The following MALT1 variants were observed in gnomAD, a reference collection of about 807,000 sequenced individuals.
MALT1 encodes the protein mucosa-associated lymphoid tissue lymphoma translocation protein 1.
MALT1 carries 36 observed loss-of-function variants against 85.5 expected under a neutral mutation model. That is an observed-to-expected ratio of 0.42 (90% CI 0.32 to 0.56). The LOEUF (loss-of-function observed/expected upper bound fraction) is 0.56. MALT1 is among the 20% of genes least tolerant of loss of function. The pLI, the probability that MALT1 is intolerant of heterozygous loss-of-function variation, is 0.10. For synonymous variants in MALT1, 359 were observed against 361.3 expected, an observed-to-expected ratio of 0.99 and a Z score of 0.07; for missense variants, 716 against 981.6, an observed-to-expected ratio of 0.73 and a Z score of 3.62.
Position 58,681,235 on chromosome 18 carries a change from T to A in MALT1, c.275T>A (p.Leu92Gln). 1 of 1,614,222 alleles carries A rather than the reference T, an allele frequency of 6.2e-7. No individual in the cohort carries two copies. The highest frequency in any genetic ancestry group is 8.5e-7 in the Non-Finnish European group (1 of 1,180,026). Residue 92 changes from leucine (L) to glutamine (Q), a missense_variant, in exon 2 of 17, where the codon CTG becomes CAG. Physicochemically the swap from Leu to Gln is moderately radical, Grantham distance 113. Transcript: ENST00000649217. ...LEPEGSPSLCLLKLMGEKGCT... is the reference protein window; with the variant it reads ...LEPEGSPSLCQLKLMGEKGCT... ...CCTGAAGGAAGCCCCAGCCTGTGTCTGCTGAAGTTAATGGGTGAAAAAGGT... is the reference window on the plus strand; with the variant it reads ...CCTGAAGGAAGCCCCAGCCTGTGTCAGCTGAAGTTAATGGGTGAAAAAGGT...
rs149005568 is a variant in MALT1, at chr18:58,750,964, T to G, written c.*3122T>G. The stretch of plus-strand genomic sequence containing the variant: ...GAATGGGAGAAAAATTTTTGAAAAA[T>G]CATGTATCTGATAAAAAAACAAACA... On this transcript the variant is annotated 3_prime_UTR_variant, in exon 17 of 17. Coordinates refer to ENST00000649217, the MANE Select transcript of MALT1 (RefSeq NM_006785.4). 2 of 152,122 alleles carry G rather than the reference T, an allele frequency of 1.3e-5. No individual in the cohort carries two copies. Among genetic ancestry groups the G allele is most frequent in the East Asian group, 1.9e-4 (1 of 5,180 alleles). 9.4% of individuals were successfully genotyped at this position (152,122 alleles called of 1,614,324 possible).
intron 16 of MALT1, among the ~76,000 whole-genome samples, chr18:58,746,846 G>A (rs1376635832): frequency 6.6e-6 from 1 of 151,886 alleles, no homozygotes; most frequent in Non-Finnish European, 1.5e-5. Flanking sequence ...TTGTGCCTCA[G>A]CCTCCCGAGT....
intron 15 of MALT1, 89 bp downstream of exon 15, chr18:58,744,584 T>C (rs989198674): frequency 1.7e-6 from 1 of 592,830 alleles, no homozygotes; most frequent in African/African-American, 2.0e-5. Flanking sequence ...ATGGTAAATA[T>C]AAAGGAAATA....
intron 2 of MALT1, chr18:58,691,362 C>A: frequency 1.2e-6 from 1 of 835,788 alleles, no homozygotes; most frequent in Non-Finnish European, 1.8e-6. Flanking sequence ...TGGCATTGCC[C>A]TGGCTCAGGC....
At chr18:58,691,328 G>T in intron 2 of MALT1, 1 of 849,200 alleles carries the variant, frequency 1.2e-6, no homozygotes. Context: ...ATCAGCTGTG[G>T]GCCAAGATGA....
chr18:58,747,390 T>G lies in MALT1; in HGVS notation c.2038-15T>G, dbSNP rs780452921. 13 of 1,566,916 alleles carry G rather than the reference T, an allele frequency of 8.3e-6. No individual in the cohort carries two copies. The highest frequency in any genetic ancestry group is 1.1e-5 in the Non-Finnish European group (13 of 1,145,396). On this transcript the variant is annotated splice_polypyrimidine_tract_variant and intron_variant, in intron 16 of 16. Coordinates refer to ENST00000649217, the MANE Select transcript of MALT1 (RefSeq NM_006785.4). ...TGTTGATGCCAATAATAAACCAGAT[T>G]TTTTTCCTTTTCAGGAACATCTAGT...
At chr18:58,677,846 G>T (rs138359883) in intron 1 of MALT1, among the ~76,000 whole-genome samples, 8 of 152,220 alleles carry the variant, frequency 5.3e-5, no homozygotes, top group African/African-American at 1.7e-4. Flanking sequence ...GCTTAGAAAA[G>T]AATACCTAGT....
intron 2 of MALT1, among the ~76,000 whole-genome samples, chr18:58,685,666 G>C (rs556683755): frequency 3.9e-4 from 59 of 152,302 alleles, no homozygotes; most frequent in Middle Eastern, 3.4e-3. Flanking sequence ...TTTACTCTCT[G>C]TTGCTTTCTT....
chr18:58,686,542 C>T (rs1362590050), intron 2 of MALT1, among the ~76,000 whole-genome samples: 1 of 152,130 alleles, frequency 6.6e-6, no homozygotes, highest in Non-Finnish European at 1.5e-5. Context: ...CTTTTCAGCT[C>T]CAGTGCTGCA....
At chr18:58,716,085 G>A in intron 9 of MALT1, 118 bp downstream of exon 9, 1 of 725,640 alleles carries the variant, frequency 1.4e-6, no homozygotes. Context: ...GGGACCAAAT[G>A]TTTTATTTTT....
intron 1 of MALT1, among the ~76,000 whole-genome samples, chr18:58,674,597 G>C (rs923983209): frequency 5.3e-5 from 8 of 152,172 alleles, no homozygotes; most frequent in African/African-American, 1.9e-4. Flanking sequence ...TTGGGGGCTG[G>C]ACAGTGAAGC....
intron 4 of MALT1, among the ~76,000 whole-genome samples, chr18:58,703,664 G>A (rs1044378777): frequency 2.6e-5 from 4 of 152,082 alleles, no homozygotes; most frequent in African/African-American, 4.8e-5. Flanking sequence ...GAACAGCATG[G>A]GGGAAACTGC....
intron 9 of MALT1, among the ~76,000 whole-genome samples, chr18:58,717,188 C>T (rs9949005): frequency 0.13 from 20,047 of 151,908 alleles, 2,400 homozygotes; most frequent in African/African-American, 0.32. Flanking sequence ...CATGGAGAAA[C>T]CCCGTCTCTA....
At chr18:58,697,095 T>G (rs978938867) in intron 3 of MALT1, 4 of 152,268 alleles carry the variant, frequency 2.6e-5, no homozygotes, top group African/African-American at 9.6e-5. Flanking sequence ...GTGGGCTGGC[T>G]GCCTGCATTG....
intron 2 of MALT1, among the ~76,000 whole-genome samples, chr18:58,689,154 A>G (rs541421920): frequency 3.7e-4 from 55 of 147,846 alleles, no homozygotes; most frequent in East Asian, 1.8e-3. Context: ...CCTGTCTCAA[A>G]AAAACAAAAA....
intron 2 of MALT1, among the ~76,000 whole-genome samples, chr18:58,692,439 T>A (rs1352062049): frequency 8.0e-4 from 62 of 77,600 alleles, no homozygotes; most frequent in African/African-American, 2.3e-3. Context: ...TCTCTCTCAC[T>A]CTCTCCCTCC....
At chr18:58,734,530 C>A in intron 12 of MALT1, 149 bp downstream of exon 12, 1 of 624,540 alleles carries the variant, frequency 1.6e-6, no homozygotes, top group Non-Finnish European at 2.9e-6. Context: ...CTCAAGCGAT[C>A]CTCCTGCCTC....
At chr18:58,680,552 T>C (rs553222020) in intron 1 of MALT1, among the ~76,000 whole-genome samples, 36 of 152,198 alleles carry the variant, frequency 2.4e-4, no homozygotes, top group Non-Finnish European at 4.7e-4. Flanking sequence ...TAAGGAAATT[T>C]TTCTGGCCTT....
chr18:58,747,914 C>G lies in MALT1; in HGVS notation c.*72C>G. On this transcript the variant is annotated 3_prime_UTR_variant, in exon 17 of 17. Coordinates refer to ENST00000649217, the MANE Select transcript of MALT1 (RefSeq NM_006785.4). ...AGTACTGCACTTACATAAAGTGAGACATTGTGAAAAGGCAAATTTGTATAT... is the reference window on the plus strand; with the variant it reads ...AGTACTGCACTTACATAAAGTGAGAGATTGTGAAAAGGCAAATTTGTATAT... The G allele has an allele frequency of 7.5e-7, 1 of 1,328,292 alleles. No homozygotes were observed. Among genetic ancestry groups the G allele is most frequent in the East Asian group, 2.3e-5 (1 of 43,318 alleles). 82.3% of individuals were successfully genotyped at this position (1,328,292 alleles called of 1,614,324 possible).
Sources: gnomAD v4.1 joint callset for allele counts (sites outside exome capture counted in the v4.1 genomes callset) on GRCh38, gnomAD v4.1.1 for gene constraint, MANE v1.5 for transcripts, NCBI Gene and HGNC (gene_info 2026-07-23, HGNC 2026-07-21) for gene names.